Variants in TLN2 observed in about 807,000 individuals in gnomAD.
The protein encoded by TLN2 is talin-2.
Under a neutral mutation model 294.7 loss-of-function variants are expected in TLN2, and 118 were observed. The observed-to-expected ratio is 0.40, with a 90% CI of 0.34 to 0.47. TLN2 has a LOEUF of 0.47. Among genes scored for constraint, TLN2 ranks in the 20% least tolerant of loss-of-function variants. TLN2 has a pLI of 0.84. For synonymous variants in TLN2, 1,431 were observed against 1,304.5 expected, an observed-to-expected ratio of 1.10 and a Z score of -2.09; for missense variants, 3,083 against 3,282.2, an observed-to-expected ratio of 0.94 and a Z score of 1.48.
At chr15:62,504,106 T>G (rs1241907887) in intron 1 of TLN2, among the ~76,000 whole-genome samples, 2 of 152,224 alleles carry the variant, frequency 1.3e-5, no homozygotes, top group African/African-American at 4.8e-5. Flanking sequence ...TTCCAGCAAC[T>G]CCTCCCTTCT....
chr15:62,733,997 G>C (rs915124910), intron 28 of TLN2: 1 of 152,132 alleles, frequency 6.6e-6, no homozygotes, highest in Non-Finnish European at 1.5e-5. Context: ...CTGACCTCTC[G>C]TGGCCTTCTT....
At chr15:62,840,430 G>C in intron 58 of TLN2, 52 bp from the exon 59 acceptor site, 1 of 1,606,194 alleles carries the variant, frequency 6.2e-7, no homozygotes, top group Non-Finnish European at 8.5e-7. Flanking sequence ...GGGTGGGTCG[G>C]AGGGTTTTCT....
At chr15:62,526,257 G>A (rs1446679681) in intron 1 of TLN2, among the ~76,000 whole-genome samples, 1 of 152,140 alleles carries the variant, frequency 6.6e-6, no homozygotes, top group Non-Finnish European at 1.5e-5. Flanking sequence ...AGCCTCCTGA[G>A]TAGCTGGGAT....
In TLN2 at chr15:62,504,436, G is replaced by A. The variant is rs547028510; in HGVS notation, c.-237-85251G>A. 7.2e-5 allele frequency among the ~76,000 whole-genome samples: 11 copies of A among 152,326 alleles called. No individual in the cohort carries two copies. In the South Asian group the frequency reaches 2.1e-3, roughly 29 times the overall value. ...ACCTGATTTCAAGGTATACGTCAAA[G>A]CTATAGAAAGCAAGACAGTGAGGTA... On this transcript the variant is annotated intron_variant, in intron 1 of 58. Coordinates refer to ENST00000636159, the MANE Select transcript of TLN2 (RefSeq NM_015059.3).
At chr15:62,705,358 A>G (rs12591904) in intron 19 of TLN2, among the ~76,000 whole-genome samples, 143,985 of 152,300 alleles carry the variant, frequency 0.95, 68,527 homozygotes, top group Non-Finnish European at 1. Flanking sequence ...GCTTTTCTTG[A>G]TTTCTTAATG....
chr15:62,558,445 G>A (rs2042726499), intron 1 of TLN2, among the ~76,000 whole-genome samples: 2 of 152,162 alleles, frequency 1.3e-5, no homozygotes, highest in South Asian at 4.1e-4. Flanking sequence ...TGTTCAGGAT[G>A]TAGTTCCTAT....
At chr15:62,674,885 C>T (rs2055975894) in intron 10 of TLN2, among the ~76,000 whole-genome samples, 1 of 152,188 alleles carries the variant, frequency 6.6e-6, no homozygotes, top group Non-Finnish European at 1.5e-5. Context: ...GGCTCTCAAC[C>T]ATTTGGGACG....
intron 9 of TLN2, among the ~76,000 whole-genome samples, chr15:62,668,307 TATATG>T (rs1435771504): frequency 6.6e-6 from 1 of 152,202 alleles, no homozygotes; most frequent in Non-Finnish European, 1.5e-5. Context: ...CACTATATAT[TATATG>T]AAAACATCAC....
intron 11 of TLN2, among the ~76,000 whole-genome samples, chr15:62,682,548 C>T (rs10152905): frequency 0.85 from 129,722 of 152,164 alleles, 57,040 homozygotes; most frequent in Non-Finnish European, 0.95. Flanking sequence ...GGATAAGTTA[C>T]CTTACCTTTC....
chr15:62,688,644 T>G (rs945611401), intron 12 of TLN2, among the ~76,000 whole-genome samples: 1 of 152,168 alleles, frequency 6.6e-6, no homozygotes, highest in Non-Finnish European at 1.5e-5. Flanking sequence ...TACTTTTTCT[T>G]TCAGCTCTCA....
chr15:62,655,586 C>CTTTAGCTATA lies in TLN2; in HGVS notation c.518-358_518-357insTTTAGCTATA, dbSNP rs2053121169. 6.8e-3 allele frequency among the ~76,000 whole-genome samples: 7 copies of CTTTAGCTATA among 1,026 alleles called. 3 individuals are homozygous for CTTTAGCTATA. In the Non-Finnish European group the frequency reaches 0.11, roughly 16 times the overall value. The allele number at this position is 1,026 out of a possible 152,430, so 0.7% of individuals were successfully genotyped here. On this transcript the variant is annotated intron_variant, in intron 7 of 58. Transcript: ENST00000636159. ...GCAGCATATTATACATTCATTGTAG[C>CTTTAGCTATA]ACATGTCACCGTGGGTTGGCTGGCA...
chr15:62,755,472 G>A (rs934001079), intron 36 of TLN2, 60 bp from the exon 37 acceptor site: 48 of 1,562,870 alleles, frequency 3.1e-5, no homozygotes, highest in African/African-American at 1.1e-4. Flanking sequence ...GCTGAGGACC[G>A]GGGTGGACCC....
At chr15:62,513,172 A>G (rs188602771) in intron 1 of TLN2, among the ~76,000 whole-genome samples, 20 of 152,228 alleles carry the variant, frequency 1.3e-4, no homozygotes, top group African/African-American at 4.6e-4. Context: ...TCTCACAATG[A>G]TGACCTAGAT....
intron 1 of TLN2, among the ~76,000 whole-genome samples, chr15:62,539,173 C>T (rs1480027929): frequency 6.6e-6 from 1 of 152,182 alleles, no homozygotes; most frequent in Non-Finnish European, 1.5e-5. Context: ...TTTTAGGGAG[C>T]TTAAGCAATG....
At chr15:62,504,523 A>G (rs1295004426) in intron 1 of TLN2, among the ~76,000 whole-genome samples, 2 of 152,206 alleles carry the variant, frequency 1.3e-5, no homozygotes, top group Non-Finnish European at 2.9e-5. Context: ...ATAGACCCAC[A>G]CATGTATGAT....
At chr15:62,498,063 C>G (rs979999169) in intron 1 of TLN2, among the ~76,000 whole-genome samples, 13 of 143,778 alleles carry the variant, frequency 9.0e-5, no homozygotes, top group Non-Finnish European at 1.3e-4. Context: ...GCCTGGGTAA[C>G]ATGTTGAAAC....
chr15:62,423,123 G>A (rs1219390782), intron 1 of TLN2, among the ~76,000 whole-genome samples: 1 of 152,230 alleles, frequency 6.6e-6, no homozygotes, highest in Non-Finnish European at 1.5e-5. Flanking sequence ...ACCTGGTGCG[G>A]TGGCTCACGC....
chr15:62,775,407 A>T (rs1248656973), intron 42 of TLN2, among the ~76,000 whole-genome samples: 3 of 152,130 alleles, frequency 2.0e-5, no homozygotes, highest in African/African-American at 7.2e-5. Context: ...GTGTTTTACC[A>T]TGTCTGTGCC....
At chr15:62,609,905 T>C (rs2047773025) in intron 2 of TLN2, among the ~76,000 whole-genome samples, 1 of 152,252 alleles carries the variant, frequency 6.6e-6, no homozygotes, top group East Asian at 1.9e-4. Flanking sequence ...ATAATGTTAC[T>C]GTCATTATTT....
Sources: gnomAD v4.1 joint callset for allele counts (sites outside exome capture counted in the v4.1 genomes callset) on GRCh38, gnomAD v4.1.1 for gene constraint, MANE v1.5 for transcripts, NCBI Gene and HGNC (gene_info 2026-07-23, HGNC 2026-07-21) for gene names.